CSMD2: variants seen among roughly 807,000 people sequenced by gnomAD.
The protein encoded by CSMD2 is CUB and Sushi multiple domains 2, also known as CUB and sushi domain-containing protein 2.
A neutral mutation model predicts 398.5 loss-of-function variants in CSMD2; 130 were observed. The observed-to-expected ratio is 0.33, with a 90% CI of 0.28 to 0.38. The LOEUF (loss-of-function observed/expected upper bound fraction) is 0.38. Among genes scored for constraint, CSMD2 ranks in the 10% least tolerant of loss-of-function variants. The pLI is 1.00. For synonymous variants in CSMD2, 1,828 were observed against 1,908.5 expected (o/e 0.96, Z 1.10); for missense variants, 3,829 against 4,764.9 (o/e 0.80, Z 5.78).
chr1:33,814,592 T>A (rs552150822), intron 9 of CSMD2, among the ~76,000 whole-genome samples: 67 of 152,314 alleles, frequency 4.4e-4, no homozygotes, highest in African/African-American at 1.5e-3. Context: ...TCTGCACGTG[T>A]ACTCAATTCC....
chr1:34,033,512 T>G (rs1271058010), intron 2 of CSMD2, among the ~76,000 whole-genome samples: 3 of 152,204 alleles, frequency 2.0e-5, no homozygotes. Flanking sequence ...TGGGAATACA[T>G]TTAGGAAAGA....
At chr1:33,577,576 C>A (rs200410761) in intron 48 of CSMD2, 92 bp from the exon 49 acceptor site, 2 of 933,976 alleles carry the variant, frequency 2.1e-6, no homozygotes, top group Non-Finnish European at 3.1e-6. Context: ...GTCTCCCCCC[C>A]ATCCCCTTGT....
At chr1:33,712,968 T>C (rs1336335481) in intron 21 of CSMD2, among the ~76,000 whole-genome samples, 1 of 152,234 alleles carries the variant, frequency 6.6e-6, no homozygotes, top group East Asian at 1.9e-4. Context: ...TTGTAAAAGG[T>C]TATTGGCAAA....
chr1:33,841,722 C>A (rs186625843), intron 6 of CSMD2, among the ~76,000 whole-genome samples: 1 of 152,200 alleles, frequency 6.6e-6, no homozygotes, highest in African/African-American at 2.4e-5. Context: ...TTAACATACT[C>A]TTAGGTAAAT....
At chr1:33,897,071 G>A (rs774282555) in intron 5 of CSMD2, among the ~76,000 whole-genome samples, 3 of 152,130 alleles carry the variant, frequency 2.0e-5, no homozygotes, top group Non-Finnish European at 4.4e-5. Context: ...ACAGTATTGT[G>A]GAAAGGTGAG....
At chr1:33,994,580 A>G (rs1049521238) in intron 3 of CSMD2, among the ~76,000 whole-genome samples, 4 of 152,206 alleles carry the variant, frequency 2.6e-5, no homozygotes, top group Non-Finnish European at 4.4e-5. Context: ...CCAGAGCCCA[A>G]CTCAGTACCC....
intron 5 of CSMD2, among the ~76,000 whole-genome samples, chr1:33,857,425 C>A (rs958043829): frequency 6.6e-6 from 1 of 152,022 alleles, no homozygotes; most frequent in Non-Finnish European, 1.5e-5. Context: ...GTAGCTAAAC[C>A]ATAGGAAGAG....
chr1:33,592,520 T>C (rs1205600114), intron 44 of CSMD2: 3 of 717,150 alleles, frequency 4.2e-6, no homozygotes, highest in East Asian at 2.7e-5. Flanking sequence ...ACATTATGAG[T>C]GGCACAGGCA....
At chr1:34,044,673 G>T (rs1294923649) in intron 2 of CSMD2, among the ~76,000 whole-genome samples, 1 of 152,248 alleles carries the variant, frequency 6.6e-6, no homozygotes, top group Non-Finnish European at 1.5e-5. Context: ...TTCCGAGGGT[G>T]ATCTATGCAT....
intron 32 of CSMD2, among the ~76,000 whole-genome samples, chr1:33,632,798 T>C (rs370816470): frequency 4.7e-4 from 71 of 152,328 alleles, no homozygotes; most frequent in African/African-American, 1.5e-3. Context: ...TACATTGCAT[T>C]ACTATTCATA....
At chr1:33,764,162 C>A (rs1224277476) in intron 13 of CSMD2, among the ~76,000 whole-genome samples, 1 of 152,094 alleles carries the variant, frequency 6.6e-6, no homozygotes, top group East Asian at 1.9e-4. Flanking sequence ...CCTGGTAGGA[C>A]AAGAATTGAC....
rs553158459 is a variant in CSMD2, at chr1:33,975,502, C to A, written c.518-39548G>T. ...TCCCAAGTGTACACACACACACACACACACACACACAAGTGCATAAATGTC... is the reference window on the plus strand; with the variant it reads ...TCCCAAGTGTACACACACACACACAAACACACACACAAGTGCATAAATGTC... On this transcript the variant is annotated intron_variant, in intron 3 of 70. Transcript: ENST00000373381. Among the ~76,000 whole-genome samples, 6 of 152,028 alleles carry A rather than the reference C, an allele frequency of 3.9e-5. No individual in the cohort carries two copies. In the South Asian group the frequency reaches 1.3e-3, roughly 32 times the overall value.
chr1:33,570,166 CTTT>C lies in CSMD2; in HGVS notation c.7958-622_7958-620del, dbSNP rs5773416. On this transcript the variant is annotated intron_variant, in intron 51 of 70. Transcript: ENST00000373381. ...CAGTGTCATGAATCACGGACATTGGCTTTTTTTTTTTTTTTTTTTGAGACGGAG... is the reference window on the plus strand; with the variant it reads ...CAGTGTCATGAATCACGGACATTGGCTTTTTTTTTTTTTTTTGAGACGGAG... Among the ~76,000 whole-genome samples the C allele has an allele frequency of 2.2e-3, 253 of 117,276 alleles. 3 individuals are homozygous for C. The highest frequency in any genetic ancestry group is 7.3e-3 in the African/African-American group (237 of 32,506). The allele number at this position is 117,276 out of a possible 152,430, so 76.9% of individuals were successfully genotyped here.
intron 3 of CSMD2, among the ~76,000 whole-genome samples, chr1:33,951,439 C>T (rs1188599863): frequency 3.3e-5 from 5 of 152,200 alleles, no homozygotes; most frequent in Non-Finnish European, 5.9e-5. Context: ...GAGCCCATCC[C>T]GGGCTGCAAC....
chr1:33,929,639 T>C (rs1296639209), intron 4 of CSMD2, among the ~76,000 whole-genome samples: 1 of 152,054 alleles, frequency 6.6e-6, no homozygotes, highest in Non-Finnish European at 1.5e-5. Context: ...AGTTTCACCA[T>C]GTTGGTCAGG....
rs149341903 is a variant in CSMD2 at position 33,646,811 on chromosome 1, G to A, written c.4611C>T (p.Asp1537=). 41 of 1,612,974 alleles carry A rather than the reference G, an allele frequency of 2.5e-5. No individual in the cohort carries two copies. In the African/African-American group the frequency reaches 4.3e-4, roughly 17 times the overall value. ...FNIFNLEPGY[D]FLHIYDGRDS... ...CCCGTCCGTCGTAGATATGGAGGAA[G>A]TCATAGCCAGGCTCCAGGTTAAAGC... The change falls in exon 29 of 71, where the codon GAC becomes GAT. Residue 1537 remains aspartate, a synonymous_variant. Transcript: ENST00000373381.
At chr1:33,998,240 G>A (rs1447745815) in intron 3 of CSMD2, among the ~76,000 whole-genome samples, 1 of 152,072 alleles carries the variant, frequency 6.6e-6, no homozygotes, top group Non-Finnish European at 1.5e-5. Context: ...GCTCTGTGCT[G>A]GATGGTGCCC....
At chr1:34,000,576 A>C (rs1646869341) in intron 3 of CSMD2, among the ~76,000 whole-genome samples, 1 of 152,198 alleles carries the variant, frequency 6.6e-6, no homozygotes, top group South Asian at 2.1e-4. Flanking sequence ...TCTTTGGCAA[A>C]TATTTGGTCC....
chr1:34,134,149 T>C (rs12083607), intron 1 of CSMD2, among the ~76,000 whole-genome samples: 31,559 of 151,630 alleles, frequency 0.21, 3,658 homozygotes, highest in South Asian at 0.41. Flanking sequence ...TGCCTCATGC[T>C]TGTGGTCTCC....
Sources: gnomAD v4.1 joint callset for allele counts (sites outside exome capture counted in the v4.1 genomes callset) on GRCh38, gnomAD v4.1.1 for gene constraint, MANE v1.5 for transcripts, NCBI Gene and HGNC (gene_info 2026-07-23, HGNC 2026-07-21) for gene names.